CALD1: variants seen among roughly 807,000 people sequenced by gnomAD.
CALD1 encodes the protein caldesmon 1.
A neutral mutation model predicts 99.9 loss-of-function variants in CALD1; 33 were observed. That is an observed-to-expected ratio of 0.33 (90% CI 0.25 to 0.44). The LOEUF (loss-of-function observed/expected upper bound fraction) is 0.44. CALD1 is among the 20% of genes least tolerant of loss of function. The pLI is 1.00. For missense variants in CALD1, 861 were observed against 962.1 expected, an observed-to-expected ratio of 0.89 and a Z score of 1.39; for synonymous variants, 310 against 325.0, an observed-to-expected ratio of 0.95 and a Z score of 0.50.
At chr7:134,714,830 C>G in the CALD1 span, among the ~76,000 whole-genome samples, 7 of 152,088 alleles carry the variant, frequency 4.6e-5, no homozygotes, top group African/African-American at 1.7e-4. Flanking sequence ...CATTTGTAAA[C>G]TGTCATGGCA....
chr7:134,833,621 T>G (rs1442856263), intron 1 of CALD1, among the ~76,000 whole-genome samples: 1 of 152,240 alleles, frequency 6.6e-6, no homozygotes, highest in Non-Finnish European at 1.5e-5. Flanking sequence ...AAATTGAGCT[T>G]CTGGAGACCT....
chr7:134,809,657 T>C (rs189718143), intron 1 of CALD1: 31 of 152,338 alleles, frequency 2.0e-4, no homozygotes, highest in African/African-American at 7.5e-4. Flanking sequence ...TATTGTCAGT[T>C]TTAGTCATAT....
chr7:134,842,410 C>T (rs2132154730), intron 1 of CALD1, among the ~76,000 whole-genome samples: 1 of 152,272 alleles, frequency 6.6e-6, no homozygotes, highest in African/African-American at 2.4e-5. Flanking sequence ...AAATACTTAA[C>T]AAACAATAGT....
chr7:134,833,459 G>A (rs189533299), intron 1 of CALD1, among the ~76,000 whole-genome samples: 5 of 152,260 alleles, frequency 3.3e-5, no homozygotes, highest in Admixed American at 1.3e-4. Context: ...TACTGTCCAC[G>A]TTACCATCAA....
chr7:134,903,248 T>C (rs925803736), intron 3 of CALD1, among the ~76,000 whole-genome samples: 2 of 152,096 alleles, frequency 1.3e-5, no homozygotes, highest in African/African-American at 4.8e-5. Flanking sequence ...TCCAAGCCCA[T>C]TGAATGTACA....
the CALD1 span, among the ~76,000 whole-genome samples, chr7:134,732,477 G>A: frequency 6.6e-6 from 1 of 152,210 alleles, no homozygotes; most frequent in East Asian, 1.9e-4. Context: ...TAGGCTTAAG[G>A]GAGGCTGTTG....
chr7:134,735,609 G>A, the CALD1 span, among the ~76,000 whole-genome samples: 2 of 149,022 alleles, frequency 1.3e-5, no homozygotes, highest in East Asian at 1.9e-4. Flanking sequence ...GTGTGTGTGT[G>A]TAGCTCTCAG....
At chr7:134,719,011 G>A in the CALD1 span, among the ~76,000 whole-genome samples, 3 of 152,294 alleles carry the variant, frequency 2.0e-5, no homozygotes, top group East Asian at 5.8e-4. Flanking sequence ...ACACTATAGA[G>A]TATTATCTCC....
At chr7:134,856,433 A>T (rs1178685773) in intron 2 of CALD1, among the ~76,000 whole-genome samples, 1 of 152,180 alleles carries the variant, frequency 6.6e-6, no homozygotes, top group Non-Finnish European at 1.5e-5. Context: ...ACGGTGCCTT[A>T]TGTTTCTAAT....
intron 3 of CALD1, among the ~76,000 whole-genome samples, chr7:134,873,123 G>C (rs1232409649): frequency 6.6e-6 from 1 of 151,960 alleles, no homozygotes; most frequent in Non-Finnish European, 1.5e-5. Context: ...GGAGGCAGAG[G>C]TTGCAGTGAG....
chr7:134,813,901 G>A (rs1052588497), intron 1 of CALD1, among the ~76,000 whole-genome samples: 1 of 152,176 alleles, frequency 6.6e-6, no homozygotes, highest in East Asian at 1.9e-4. Flanking sequence ...AAAGGACGGT[G>A]GGTGGCTGAG....
chr7:134,754,798 A>G (rs1300269180), intron 1 of CALD1, among the ~76,000 whole-genome samples: 1 of 152,176 alleles, frequency 6.6e-6, no homozygotes, highest in Non-Finnish European at 1.5e-5. Context: ...ACAATTACAA[A>G]CAATTGTATA....
In CALD1 at chr7:134,933,748, G is replaced by A; in HGVS notation, c.979G>A (p.Glu327Lys). ...GGAGGAAGAGAAAAGGGCAGCAGAG[G>A]AGAGGCAGAGGATAAAGGAGGAAGA... ...MREEEKRAAE[E>K]RQRIKEEEKR... The change falls in exon 5 of 15, where the codon GAG becomes AAG. Residue 327 changes from glutamate to lysine, a missense_variant. By Grantham distance (56) the Glu-to-Lys change is moderately conservative (BLOSUM62 1). Around this residue, in one of 5 missense-constraint regions of CALD1, gnomAD observed 234 missense variants for 233.1 expected, o/e 1.00. Coordinates refer to ENST00000361675, the MANE Select transcript of CALD1 (RefSeq NM_033138.4). 2 of 1,554,990 alleles carry A rather than the reference G, an allele frequency of 1.3e-6. No individual in the cohort carries two copies. The highest frequency in any genetic ancestry group is 1.7e-6 in the Non-Finnish European group (2 of 1,148,802).
chr7:134,934,890 C>T (rs925518978), intron 5 of CALD1, among the ~76,000 whole-genome samples: 17 of 151,622 alleles, frequency 1.1e-4, no homozygotes, highest in African/African-American at 3.9e-4. Context: ...ACAACAAAAA[C>T]AACAACAACA....
intron 3 of CALD1, among the ~76,000 whole-genome samples, chr7:134,924,446 C>G (rs1804841527): frequency 6.6e-6 from 1 of 151,946 alleles, no homozygotes; most frequent in South Asian, 2.1e-4. Context: ...AGGGAGAGGC[C>G]TAAAAGCTAA....
In CALD1 at chr7:134,916,527, C is replaced by T. The variant is rs575300498; in HGVS notation, c.72-12227C>T. 5.4e-4 allele frequency among the ~76,000 whole-genome samples: 83 copies of T among 152,300 alleles called. 2 individuals are homozygous for T. Among genetic ancestry groups the T allele is most frequent in the African/African-American group, 2.0e-3 (83 of 41,568 alleles). On this transcript the variant is annotated intron_variant, in intron 3 of 14. Transcript: ENST00000361675. Reference sequence around the variant, plus strand: ...AATCTATTACCCATAAATTTCCCCACATTAAGCAGAGCCTGTCTAGAGAGG... The same window carrying T: ...AATCTATTACCCATAAATTTCCCCATATTAAGCAGAGCCTGTCTAGAGAGG...
intron 8 of CALD1, among the ~76,000 whole-genome samples, chr7:134,948,513 A>G (rs962547806): frequency 6.6e-6 from 1 of 152,204 alleles, no homozygotes; most frequent in African/African-American, 2.4e-5. Context: ...ATCCTGAGGT[A>G]CATCGTTCTC....
intron 12 of CALD1, 62 bp from the exon 13 acceptor site, chr7:134,960,471 A>T (rs1422225833): frequency 2.7e-5 from 27 of 982,892 alleles, no homozygotes; most frequent in Non-Finnish European, 3.9e-5. Flanking sequence ...TTGCTTTGAA[A>T]ATTCCTTCCC....
intron 9 of CALD1, among the ~76,000 whole-genome samples, chr7:134,955,744 G>A (rs555604855): frequency 3.9e-5 from 6 of 152,322 alleles, no homozygotes; most frequent in South Asian, 4.1e-4. Flanking sequence ...TTGGGGGTTA[G>A]GGCCTCAACA....
Sources: allele counts gnomAD v4.1 joint callset (sites outside exome capture counted in the v4.1 genomes callset), GRCh38; gene constraint gnomAD v4.1.1; regional missense constraint gnomAD v4.1.1; transcripts MANE v1.5; gene names NCBI Gene and HGNC (gene_info 2026-07-23, HGNC 2026-07-21).